ZNF471: variants seen among roughly 807,000 people sequenced by gnomAD.
The protein encoded by ZNF471 is zinc finger protein 471.
Under a neutral mutation model 13.7 loss-of-function variants are expected in ZNF471, and 7 were observed. The observed-to-expected ratio is 0.51, with a 90% CI of 0.29 to 0.96. The LOEUF is 0.96. Ranked by LOEUF, ZNF471 falls within the 40% of genes least tolerant of loss-of-function variation. The pLI, the probability that ZNF471 is intolerant of heterozygous loss-of-function variation, is 0.08. For synonymous variants in ZNF471, 218 were observed against 235.6 expected, an observed-to-expected ratio of 0.93 and a Z score of 0.68; for missense variants, 663 against 743.3, an observed-to-expected ratio of 0.89 and a Z score of 1.26.
rs1475360676 is a variant in ZNF471 at position 56,525,230 on chromosome 19, TAGG to T, written c.1165_1167del (p.Gly389del). 4 of 1,613,878 alleles carry T rather than the reference TAGG, an allele frequency of 2.5e-6. No individual in the cohort carries two copies. Among genetic ancestry groups the T allele is most frequent in the Non-Finnish European group, 3.4e-6 (4 of 1,179,968 alleles). On this transcript the variant is annotated inframe_deletion, in exon 5 of 5. Transcript: ENST00000308031. ...TGTGGGAAAGCCTTCAGTGTTCACA[TAGG>T]ACTTATTCTGCATAGGAGAATTCAT... is the stretch of plus-strand genomic sequence containing the variant.
Position 56,525,340 on chromosome 19 carries a change from C to T in ZNF471, c.1273C>T (p.His425Tyr), listed in dbSNP as rs2044031245. ...ATCCCGTACTGTACATCAGAGAATT[C>T]ATACAGGAGAGAAACCTTATGAATG... is the stretch of plus-strand genomic sequence containing the variant. ...GSSRTVHQRI[H>Y]TGEKPYECDI... Residue 425 changes from histidine to tyrosine, a missense_variant, in exon 5 of 5, where the codon CAT becomes TAT. By Grantham distance (83) the His-to-Tyr change is moderately conservative (BLOSUM62 2). Coordinates refer to ENST00000308031, the MANE Select transcript of ZNF471 (RefSeq NM_020813.4). 1.2e-6 allele frequency: 2 copies of T among 1,614,110 alleles called. No individual in the cohort carries two copies. The highest frequency in any genetic ancestry group is 1.7e-6 in the Non-Finnish European group (2 of 1,179,992).
chr19:56,524,844 G>C lies in ZNF471; in HGVS notation c.777G>C (p.Glu259Asp). 1 of 1,611,150 alleles carries C rather than the reference G, an allele frequency of 6.2e-7. No individual in the cohort carries two copies. Among genetic ancestry groups the C allele is most frequent in the Non-Finnish European group, 8.5e-7 (1 of 1,178,764 alleles). The change falls in exon 5 of 5, where the codon GAG becomes GAC. Residue 259 changes from glutamate to aspartate, a missense_variant. By Grantham distance (45) the Glu-to-Asp change is conservative. Transcript: ENST00000308031. This position sits in a 1 kb window ranked among gnomAD's most constrained non-coding sequence, Gnocchi z 4.8. ...AACATCACAGAACACATACTGGAGA[G>C]AAACTCTTTGAATGTAAAGAATGTA... ...LAQHHRTHTG[E>D]KLFECKECRK...
Position 56,511,706 on chromosome 19 carries a change from G to A in ZNF471, c.33+102G>A, listed in dbSNP as rs941558767. 3.1e-6 allele frequency: 3 copies of A among 958,248 alleles called. No homozygotes were observed. In the African/African-American group the frequency reaches 4.9e-5, roughly 16 times the overall value. 59.4% of individuals were successfully genotyped at this position (958,248 alleles called of 1,614,324 possible). ...GAAAATTCCCTGATTAACAGTCCAG[G>A]AGCCTAGTTCCCACTTCTCTCAGGG... On this transcript the variant is annotated intron_variant, in intron 2 of 4. Transcript: ENST00000308031.
Position 56,518,582 on chromosome 19 carries a change from G to A in ZNF471, c.256+5G>A, listed in dbSNP as rs1462923247. On this transcript the variant is annotated splice_donor_5th_base_variant and intron_variant, in intron 4 of 4. Transcript: ENST00000308031. ...TGACAAGAAGCCCATTCTCAGGTGA[G>A]TGTGGAAGAACCAGAGAGGGGAATC... 4 of 1,611,446 alleles carry A rather than the reference G, an allele frequency of 2.5e-6. No individual in the cohort carries two copies. The highest frequency in any genetic ancestry group is 1.3e-5 in the African/African-American group (1 of 74,802).
chr19:56,530,154 T>G lies in ZNF471; in HGVS notation c.*4206T>G, dbSNP rs1244515145. On this transcript the variant is annotated 3_prime_UTR_variant, in exon 5 of 5. Transcript: ENST00000308031. Reference sequence around the variant, plus strand: ...TGCAGTTTATGAACTGAGATGTAACTTCATGACTAACATGATGACATCGTT... The same window carrying G: ...TGCAGTTTATGAACTGAGATGTAACGTCATGACTAACATGATGACATCGTT... 1 of 152,252 alleles carries G rather than the reference T, an allele frequency of 6.6e-6. No individual in the cohort carries two copies. Among genetic ancestry groups the G allele is most frequent in the Non-Finnish European group, 1.5e-5 (1 of 68,052 alleles). 9.4% of individuals were successfully genotyped at this position (152,252 alleles called of 1,614,324 possible).
Position 56,526,021 on chromosome 19 carries a change from TA to T in ZNF471, c.*79del. On this transcript the variant is annotated 3_prime_UTR_variant, in exon 5 of 5. Transcript: ENST00000308031. ...TGTTAATCAGAGATGTCCCACTGGATAAAAAACATATAAATGTAAGAAATGT... is the reference window on the plus strand; with the variant it reads ...TGTTAATCAGAGATGTCCCACTGGATAAAAACATATAAATGTAAGAAATGT... 2 of 1,408,882 alleles carry T rather than the reference TA, an allele frequency of 1.4e-6. No homozygotes were observed. The highest frequency in any genetic ancestry group is 1.5e-5 in the South Asian group (1 of 65,472). The allele number at this position is 1,408,882 out of a possible 1,614,324, so 87.3% of individuals were successfully genotyped here. A position where few individuals can be genotyped will look rare whatever the true frequency, so the allele number is the denominator to read the frequency against.
intron 1 of ZNF471, chr19:56,509,972 T>C (rs1013627640): frequency 4.1e-6 from 4 of 985,352 alleles, no homozygotes; most frequent in East Asian, 1.1e-4. Flanking sequence ...AGAAAGATCA[T>C]GTGTGTGTCT....
chr19:56,523,916 T>C (rs2044008906), intron 4 of ZNF471, among the ~76,000 whole-genome samples: 1 of 152,196 alleles, frequency 6.6e-6, no homozygotes, highest in Non-Finnish European at 1.5e-5. Context: ...CTCAACCTCC[T>C]GGGCTCAAGT....
chr19:56,509,728 T>TGTGTGA, intron 1 of ZNF471: 1 of 230,226 alleles, frequency 4.3e-6, no homozygotes, highest in Non-Finnish European at 7.1e-6. Context: ...TGTGTGTGTG[T>TGTGTGA]GTGTGTGTGT....
In ZNF471 at chr19:56,514,122, G is replaced by A. The variant is rs866643598; in HGVS notation, c.34-2153G>A. Among the ~76,000 whole-genome samples, 3 of 141,760 alleles carry A rather than the reference G, an allele frequency of 2.1e-5. 1 individual carries two copies. The highest frequency in any genetic ancestry group is 4.4e-4 in the South Asian group (2 of 4,514). 93.0% of individuals were successfully genotyped at this position (141,760 alleles called of 152,430 possible). ...TCTGTCACCCAGGCTGGAGTGCAGT[G>A]GCAGGATCATAGCACACTATAACCT... On this transcript the variant is annotated intron_variant, in intron 2 of 4. Coordinates refer to ENST00000308031, the MANE Select transcript of ZNF471 (RefSeq NM_020813.4).
In ZNF471 at chr19:56,525,780, T is replaced by A. The variant is rs1476396196; in HGVS notation, c.1713T>A (p.Tyr571Ter). 3 of 1,614,038 alleles carry A rather than the reference T, an allele frequency of 1.9e-6. No homozygotes were observed. Among genetic ancestry groups the A allele is most frequent in the Non-Finnish European group, 2.5e-6 (3 of 1,180,024 alleles). ...GAATTCATACTGGAGAGAAACCCTA[T>A]AAATGTACTGAATGTGGAAAGGCTT... ...HQRIHTGEKP[Y>*]KCTECGKAFS... The change falls in exon 5 of 5, where the codon TAT (tyrosine) becomes TAA (stop). Residue 571 changes from tyrosine (Y) to a stop codon, truncating the protein, a stop_gained. Coordinates refer to ENST00000308031, the MANE Select transcript of ZNF471 (RefSeq NM_020813.4). LOFTEE classifies it low-confidence loss of function (END_TRUNC).
chr19:56,525,004 A>G lies in ZNF471; in HGVS notation c.937A>G (p.Thr313Ala). 6 of 1,614,148 alleles carry G rather than the reference A, an allele frequency of 3.7e-6. No individual in the cohort carries two copies. Among genetic ancestry groups the G allele is most frequent in the Non-Finnish European group, 5.1e-6 (6 of 1,180,030 alleles). ...AHLAQHQRIH[T>A]GEKPYECKEC... is the part of the protein sequence containing the mutation. ...CCTTGCTCAGCATCAGAGAATTCAT[A>G]CTGGAGAGAAACCCTATGAATGTAA... Residue 313 changes from threonine to alanine, a missense_variant, in exon 5 of 5, where the codon ACT (threonine) becomes GCT (alanine). Coordinates refer to ENST00000308031, the MANE Select transcript of ZNF471 (RefSeq NM_020813.4).
In ZNF471 at chr19:56,525,790, G is replaced by A; in HGVS notation, c.1723G>A (p.Glu575Lys). The A allele has an allele frequency of 6.2e-7, 1 of 1,614,140 alleles. No individual in the cohort carries two copies. The change falls in exon 5 of 5, where the codon GAA becomes AAA. Residue 575 changes from glutamate (E) to lysine (K), a missense_variant. Physicochemically the swap from Glu to Lys is moderately conservative, Grantham distance 56. Transcript: ENST00000308031. Reference sequence around the variant, plus strand: ...TGGAGAGAAACCCTATAAATGTACTGAATGTGGAAAGGCTTTTAGTGATAG... The same window carrying A: ...TGGAGAGAAACCCTATAAATGTACTAAATGTGGAAAGGCTTTTAGTGATAG... ...HTGEKPYKCT[E>K]CGKAFSDSSS...
Position 56,508,583 on chromosome 19 carries a change from T to C in ZNF471, c.-56+663T>C, listed in dbSNP as rs1244394251. 6.6e-6 allele frequency among the ~76,000 whole-genome samples: 1 copy of C among 151,530 alleles called. No homozygotes were observed. The highest frequency in any genetic ancestry group is 1.9e-4 in the East Asian group (1 of 5,146). ...GGTGAGGCTCAATGAGAGGCCGGTG[T>C]GTGTTCGAGAGAGAGAAGAATCACC... On this transcript the variant is annotated intron_variant, in intron 1 of 4. Transcript: ENST00000308031. This position sits in a 1 kb window ranked among gnomAD's most constrained non-coding sequence, Gnocchi z 4.7.
Position 56,518,517 on chromosome 19 carries a change from T to C in ZNF471, c.196T>C (p.Leu66=), listed in dbSNP as rs1568473621. 2.5e-6 allele frequency: 4 copies of C among 1,613,670 alleles called. No individual in the cohort carries two copies. The highest frequency in any genetic ancestry group is 3.4e-6 in the Non-Finnish European group (4 of 1,179,912). Residue 66 remains leucine, a synonymous_variant, in exon 4 of 5, where the codon TTG becomes CTG. Transcript: ENST00000308031. Reference sequence around the variant, plus strand: ...TTCTAAGCCATATGTGATCTCCTTATTGGAGCAAGGGAGAGAGCCTTGGGA... The same window carrying C: ...TTCTAAGCCATATGTGATCTCCTTACTGGAGCAAGGGAGAGAGCCTTGGGA... ...CISKPYVISL[L]EQGREPWEMT... is the part of the protein sequence containing the mutation.
rs1431240098 is a variant in ZNF471, at chr19:56,525,913, T to C, written c.1846T>C (p.Cys616Arg). ...GTTCAGAAGAAAGTTATCCTTAATT[T>C]GTCATCAAAGAAGTCATACTGGAGA... is the stretch of plus-strand genomic sequence containing the variant. The part of the protein sequence containing the change: ...KAFRRKLSLI[C>R]HQRSHTGEEP Residue 616 changes from cysteine to arginine, a missense_variant, in exon 5 of 5, where the codon TGT becomes CGT. By Grantham distance (180) the Cys-to-Arg change is radical. Coordinates refer to ENST00000308031, the MANE Select transcript of ZNF471 (RefSeq NM_020813.4). The C allele has an allele frequency of 3.8e-6, 6 of 1,576,174 alleles. No individual in the cohort carries two copies. In the African/African-American group the frequency reaches 6.9e-5, roughly 18 times the overall value.
chr19:56,515,465 A>G (rs545528990), intron 2 of ZNF471, among the ~76,000 whole-genome samples: 1 of 152,368 alleles, frequency 6.6e-6, no homozygotes, highest in Admixed American at 6.5e-5. Context: ...AAAGGTATGT[A>G]TATCTTCTAA....
chr19:56,525,426 T>A lies in ZNF471; in HGVS notation c.1359T>A (p.His453Gln). The A allele has an allele frequency of 1.9e-6, 3 of 1,614,156 alleles. No homozygotes were observed. Among genetic ancestry groups the A allele is most frequent in the South Asian group, 2.2e-5 (2 of 91,080 alleles). The change falls in exon 5 of 5, where the codon CAT becomes CAA. Residue 453 changes from histidine to glutamine, a missense_variant. His to Gln is a conservative substitution (Grantham distance 24). Coordinates refer to ENST00000308031, the MANE Select transcript of ZNF471 (RefSeq NM_020813.4). The part of the protein sequence containing the change: ...HASLTQHQRV[H>Q]SGEKPYECKE... ...CACTCACTCAGCATCAAAGAGTACATTCTGGAGAGAAACCGTATGAATGCA... is the reference window on the plus strand; with the variant it reads ...CACTCACTCAGCATCAAAGAGTACAATCTGGAGAGAAACCGTATGAATGCA...
chr19:56,513,512 T>C (rs1250307504), intron 2 of ZNF471, among the ~76,000 whole-genome samples: 2 of 152,230 alleles, frequency 1.3e-5, no homozygotes, highest in African/African-American at 2.4e-5. Context: ...TCTTTAATTC[T>C]CTAATCTCCT....
Sources: allele counts gnomAD v4.1 joint callset (sites outside exome capture counted in the v4.1 genomes callset), GRCh38; gene constraint gnomAD v4.1.1; non-coding constraint Gnocchi (gnomAD v3.1); transcripts MANE v1.5; gene names NCBI Gene and HGNC (gene_info 2026-07-23, HGNC 2026-07-21).